RIMBP2: variants seen among roughly 807,000 people sequenced by gnomAD.
RIMBP2 encodes the protein RIMS-binding protein 2.
In RIMBP2, 48 loss-of-function variants were observed where a neutral mutation model predicts 118.6. The ratio of observed to expected loss-of-function variants is 0.40; its 90% confidence interval spans 0.32 to 0.51. The LOEUF (loss-of-function observed/expected upper bound fraction) is 0.51. Among genes scored for constraint, RIMBP2 ranks in the 20% least tolerant of loss-of-function variants. The probability of loss-of-function intolerance (pLI) is 0.41; values close to 1 mark genes in which losing one functional copy is unlikely to be tolerated. For synonymous variants in RIMBP2, 762 were observed against 742.9 expected (o/e 1.03, Z -0.42); for missense variants, 1,551 against 1,768.3 (o/e 0.88, Z 2.20).
At chr12:130,561,766 A>G (rs1016894649) in intron 2 of RIMBP2, among the ~76,000 whole-genome samples, 1 of 152,174 alleles carries the variant, frequency 6.6e-6, no homozygotes, top group African/African-American at 2.4e-5. Flanking sequence ...CCATCCTAGC[A>G]AGGATGGCTT....
At chr12:130,412,591 G>A (rs1179218954) in intron 19 of RIMBP2, 28 bp downstream of exon 19, 9 of 1,603,824 alleles carry the variant, frequency 5.6e-6, no homozygotes, top group Non-Finnish European at 7.7e-6. Context: ...AAATGCACAG[G>A]GAAGGTCGAA....
intron 4 of RIMBP2, among the ~76,000 whole-genome samples, chr12:130,498,268 T>C (rs1487487050): frequency 6.6e-6 from 1 of 152,238 alleles, no homozygotes; most frequent in African/African-American, 2.4e-5. Flanking sequence ...AGCAAGTGTC[T>C]GCAGTGCCGG....
chr12:130,702,192 A>G (rs183892059), intron 1 of RIMBP2, among the ~76,000 whole-genome samples: 1 of 152,270 alleles, frequency 6.6e-6, no homozygotes, highest in Admixed American at 6.5e-5. Context: ...GTAAATTTCC[A>G]AATTGCCTCC....
At chr12:130,570,269 CA>C (rs923006734) in intron 2 of RIMBP2, among the ~76,000 whole-genome samples, 1 of 151,868 alleles carries the variant, frequency 6.6e-6, no homozygotes, top group South Asian at 2.1e-4. Context: ...ATAAAAAACA[CA>C]AAAAAATTAG....
At chr12:130,491,418 G>C (rs1013762500) in intron 4 of RIMBP2, among the ~76,000 whole-genome samples, 1 of 152,204 alleles carries the variant, frequency 6.6e-6, no homozygotes, top group Non-Finnish European at 1.5e-5. Flanking sequence ...TGCGGGATGT[G>C]CTGATGTTTG....
chr12:130,626,518 G>A (rs1052667300), intron 2 of RIMBP2, among the ~76,000 whole-genome samples: 1 of 148,942 alleles, frequency 6.7e-6, no homozygotes, highest in Non-Finnish European at 1.5e-5. Context: ...ACTACCACTG[G>A]CATCACCACC....
chr12:130,423,679 G>T (rs867330568), intron 16 of RIMBP2, among the ~76,000 whole-genome samples: 25 of 105,504 alleles, frequency 2.4e-4, no homozygotes, highest in East Asian at 6.0e-4. Context: ...AAAAAAAATA[G>T]ATTTCTTCAA....
At chr12:130,444,314 T>C (rs561543794) in intron 10 of RIMBP2, among the ~76,000 whole-genome samples, 22 of 152,172 alleles carry the variant, frequency 1.4e-4, no homozygotes, top group African/African-American at 5.1e-4. Context: ...GGGCTCCTGC[T>C]CATGGACACC....
intron 1 of RIMBP2, among the ~76,000 whole-genome samples, chr12:130,639,108 C>G (rs2062483920): frequency 6.6e-6 from 1 of 152,154 alleles, no homozygotes; most frequent in Non-Finnish European, 1.5e-5. Flanking sequence ...AAAAGCCTGG[C>G]CGGGCACGGT....
chr12:130,558,616 A>G (rs2056563267), intron 2 of RIMBP2, among the ~76,000 whole-genome samples: 1 of 152,178 alleles, frequency 6.6e-6, no homozygotes, highest in Non-Finnish European at 1.5e-5. Flanking sequence ...GACAAAGGGA[A>G]GAGACCGAGA....
intron 2 of RIMBP2, among the ~76,000 whole-genome samples, chr12:130,555,189 C>G (rs912059282): frequency 1.3e-5 from 2 of 152,182 alleles, no homozygotes; most frequent in Non-Finnish European, 2.9e-5. Context: ...CCTGTATCAG[C>G]TCCCTGTGGT....
intron 6 of RIMBP2, among the ~76,000 whole-genome samples, chr12:130,462,245 A>G (rs1247076278): frequency 1.3e-5 from 2 of 152,184 alleles, no homozygotes; most frequent in Admixed American, 1.3e-4. Flanking sequence ...TCTGGAACTT[A>G]GAATTTGTGA....
rs1174199557 is a variant in RIMBP2 at position 130,647,908 on chromosome 12, C to CCT, written c.-351-19454_-351-19453dup. Among the ~76,000 whole-genome samples the CCT allele has an allele frequency of 8.1e-5, 11 of 135,426 alleles. 3 individuals carry two copies. The highest frequency in any genetic ancestry group is 8.1e-4 in the Admixed American group (11 of 13,650). The allele number at this position is 135,426 out of a possible 152,430, so 88.8% of individuals were successfully genotyped here. A position where few individuals can be genotyped will look rare whatever the true frequency, so the allele number is the denominator to read the frequency against. On this transcript the variant is annotated intron_variant, in intron 1 of 22. Transcript: ENST00000690449. ...CCCGCTAGACGCCCTGCACTAAATG[C>CCT]CTCTCTTTCTCATGCTGCAAACCTC... is the stretch of plus-strand genomic sequence containing the variant.
intron 2 of RIMBP2, among the ~76,000 whole-genome samples, chr12:130,530,244 A>G (rs980510958): frequency 1.3e-5 from 2 of 152,188 alleles, no homozygotes; most frequent in Non-Finnish European, 2.9e-5. Context: ...GAGACTTGAT[A>G]TGTTCAATAT....
At chr12:130,657,317 G>A (rs1006224006) in intron 1 of RIMBP2, among the ~76,000 whole-genome samples, 8 of 152,172 alleles carry the variant, frequency 5.3e-5, no homozygotes, top group African/African-American at 1.9e-4. Flanking sequence ...CACAGGTACT[G>A]GGAGTTAGGA....
At position 130,620,034 on chromosome 12, in the gene RIMBP2, G is replaced by A. The variant is rs1173471059; in HGVS notation, c.-217+8288C>T. ...GACACATGGTGTGCAGACTTGACTT[G>A]ATGTCGAGAAAGAGGCTCCTGGACC... On this transcript the variant is annotated intron_variant, in intron 2 of 22. Transcript: ENST00000690449. The surrounding 1 kb of genome is among the most constrained non-coding windows in gnomAD (Gnocchi z 5.3). Among the ~76,000 whole-genome samples, 2 of 152,140 alleles carry A rather than the reference G, an allele frequency of 1.3e-5. No individual in the cohort carries two copies. The highest frequency in any genetic ancestry group is 3.9e-4 in the East Asian group (2 of 5,180).
intron 1 of RIMBP2, among the ~76,000 whole-genome samples, chr12:130,715,656 G>A (rs569307251): frequency 1.3e-5 from 2 of 152,344 alleles, no homozygotes; most frequent in East Asian, 3.9e-4. Context: ...GTCAGTCCAT[G>A]GGACGTGAAT....
At chr12:130,417,686 C>T (rs2076179613) in intron 17 of RIMBP2, among the ~76,000 whole-genome samples, 1 of 152,174 alleles carries the variant, frequency 6.6e-6, no homozygotes, top group Non-Finnish European at 1.5e-5. Flanking sequence ...TGCACTATAC[C>T]CATGTAACAG....
At chr12:130,563,970 C>T (rs1349829779) in intron 2 of RIMBP2, among the ~76,000 whole-genome samples, 2 of 111,810 alleles carry the variant, frequency 1.8e-5, no homozygotes, top group East Asian at 6.6e-4. Context: ...ACATTTTCCC[C>T]TCGCTCACTC....
Sources: allele counts gnomAD v4.1 joint callset (sites outside exome capture counted in the v4.1 genomes callset), GRCh38; gene constraint gnomAD v4.1.1; non-coding constraint Gnocchi (gnomAD v3.1); transcripts MANE v1.5; gene names NCBI Gene and HGNC (gene_info 2026-07-23, HGNC 2026-07-21).